DENND1A: variants seen among roughly 807,000 people sequenced by gnomAD.
The protein encoded by DENND1A is DENN domain-containing protein 1A.
A neutral mutation model predicts 113.7 loss-of-function variants in DENND1A; 51 were observed. The observed-to-expected ratio is 0.45, with a 90% CI of 0.36 to 0.57. The LOEUF (loss-of-function observed/expected upper bound fraction) is 0.57, where lower values mean the gene tolerates loss of function less well. Among genes scored for constraint, DENND1A ranks in the 20% least tolerant of loss-of-function variants. DENND1A has a pLI of 0.00. For synonymous variants in DENND1A, 565 were observed against 570.8 expected (o/e 0.99, Z 0.14); for missense variants, 1,258 against 1,395.9 (o/e 0.90, Z 1.57).
intron 1 of DENND1A, among the ~76,000 whole-genome samples, chr9:123,894,899 C>T (rs901611994): frequency 6.6e-6 from 1 of 152,100 alleles, no homozygotes; most frequent in Non-Finnish European, 1.5e-5. Flanking sequence ...GTTCACATTG[C>T]AGAATGAACT....
rs532621160 is a variant in DENND1A at position 123,403,604 on chromosome 9, A to G, written c.1543-114T>C. On this transcript the variant is annotated intron_variant, in intron 20 of 23. Coordinates refer to ENST00000394215, the MANE Select transcript of DENND1A (RefSeq NM_001352964.2). ...CCCAAAAAACGTTTAGGGATTTTCA[A>G]AGCTACAGGCTACAAAAGCCCAGCC... The G allele has an allele frequency of 4.3e-4, 405 of 933,180 alleles. 2 individuals are homozygous for G. Among genetic ancestry groups the G allele is most frequent in the Non-Finnish European group, 5.9e-4 (354 of 600,172 alleles). The allele number at this position is 933,180 out of a possible 1,614,324, so 57.8% of individuals were successfully genotyped here. A position where few individuals can be genotyped will look rare whatever the true frequency, so the allele number is the denominator to read the frequency against.
intron 13 of DENND1A, among the ~76,000 whole-genome samples, chr9:123,489,000 G>A (rs754710830): frequency 1.1e-4 from 16 of 152,140 alleles, no homozygotes; most frequent in Non-Finnish European, 1.9e-4. Context: ...AGGCTTCAAA[G>A]GTAGAGAAGC....
At chr9:123,706,145 C>CTTT (rs368559777) in intron 5 of DENND1A, among the ~76,000 whole-genome samples, 10,155 of 133,004 alleles carry the variant, frequency 0.076, 833 homozygotes, top group African/African-American at 0.2. Context: ...GATATTTTTT[C>CTTT]TTTTTTTTTT....
At position 123,553,292 on chromosome 9, in the gene DENND1A, T is replaced by A. The variant is rs187675618; in HGVS notation, c.993+4278A>T. ...ATACAATAGTAAAATAATTTTTTTT[T>A]AAAGACCAGCACTAGGAAAAGATGG... On this transcript the variant is annotated intron_variant, in intron 13 of 23. Coordinates refer to ENST00000394215, the MANE Select transcript of DENND1A (RefSeq NM_001352964.2). 9.6e-4 allele frequency among the ~76,000 whole-genome samples: 146 copies of A among 152,094 alleles called. 1 individual carries two copies. Among genetic ancestry groups the A allele is most frequent in the African/African-American group, 3.3e-3 (135 of 41,510 alleles).
chr9:123,812,180 T>A (rs1564319688), intron 2 of DENND1A, among the ~76,000 whole-genome samples: 1 of 152,166 alleles, frequency 6.6e-6, no homozygotes, highest in Non-Finnish European at 1.5e-5. Context: ...CATGATAAAA[T>A]AGAGTTGTTT....
intron 2 of DENND1A, among the ~76,000 whole-genome samples, chr9:123,835,957 GGAA>G (rs1840993667): frequency 6.6e-6 from 1 of 152,178 alleles, no homozygotes; most frequent in South Asian, 2.1e-4. Context: ...AATAAAATGA[GGAA>G]GAAGGGCTAT....
At chr9:123,701,969 C>T (rs919337368) in intron 5 of DENND1A, among the ~76,000 whole-genome samples, 1 of 152,156 alleles carries the variant, frequency 6.6e-6, no homozygotes, top group African/African-American at 2.4e-5. Flanking sequence ...GTACTAGTGA[C>T]TGACCATAAA....
intron 1 of DENND1A, among the ~76,000 whole-genome samples, chr9:123,917,356 C>A (rs61695524): frequency 0.019 from 2,874 of 152,174 alleles, 98 homozygotes; most frequent in African/African-American, 0.066. Flanking sequence ...AAAAACATAA[C>A]TATTTTCAGT....
intron 5 of DENND1A, among the ~76,000 whole-genome samples, chr9:123,749,299 G>A (rs529134793): frequency 2.6e-5 from 4 of 152,218 alleles, no homozygotes; most frequent in African/African-American, 9.6e-5. Context: ...ATTCTGCAAG[G>A]GCAAACTACC....
At chr9:123,583,085 C>T in intron 12 of DENND1A, 84 bp downstream of exon 12, 3 of 1,006,472 alleles carry the variant, frequency 3.0e-6, no homozygotes, top group Admixed American at 4.4e-5. Context: ...TCGCTATTTC[C>T]CCTCCTTCCC....
intron 18 of DENND1A, among the ~76,000 whole-genome samples, chr9:123,443,475 C>T (rs7859831): frequency 0.13 from 20,509 of 152,196 alleles, 1,462 homozygotes; most frequent in Non-Finnish European, 0.14. Flanking sequence ...GATGTACCTG[C>T]GTGTCAAAAA....
chr9:123,786,030 T>C (rs955020084), intron 3 of DENND1A, among the ~76,000 whole-genome samples: 2 of 152,048 alleles, frequency 1.3e-5, no homozygotes, highest in African/African-American at 4.8e-5. Flanking sequence ...CTGGTCAACA[T>C]GATGAAACCC....
chr9:123,572,932 T>C (rs28661002), intron 12 of DENND1A, among the ~76,000 whole-genome samples: 42,338 of 151,994 alleles, frequency 0.28, 6,200 homozygotes, highest in African/African-American at 0.34. Context: ...TTTGCTTCTA[T>C]TTTTAGGTCT....
rs2050070163 is a variant in DENND1A, at chr9:123,478,258, C to T, written c.994-20361G>A. On this transcript the variant is annotated intron_variant, in intron 13 of 23. Coordinates refer to ENST00000394215, the MANE Select transcript of DENND1A (RefSeq NM_001352964.2). The stretch of plus-strand genomic sequence containing the variant: ...ATCCCAACCTCCCTTGTTCCAGTCA[C>T]ATTATTAAGTCTTCAAAAGGCTTTT... Among the ~76,000 whole-genome samples, 11 of 152,346 alleles carry T rather than the reference C, an allele frequency of 7.2e-5. No individual in the cohort carries two copies. The South Asian group carries it at 2.3e-3, about 32-fold the overall frequency.
Position 123,671,485 on chromosome 9 carries a change from T to G in DENND1A, c.373-114A>C, listed in dbSNP as rs1459470171. On this transcript the variant is annotated intron_variant, in intron 6 of 23. Coordinates refer to ENST00000394215, the MANE Select transcript of DENND1A (RefSeq NM_001352964.2). ...GGGGCTGGGGAGATGCTGGCCCCAGTACAGAAATAGGTTTGATATTCATGT... is the reference window on the plus strand; with the variant it reads ...GGGGCTGGGGAGATGCTGGCCCCAGGACAGAAATAGGTTTGATATTCATGT... 4.2e-6 allele frequency: 4 copies of G among 956,048 alleles called. No homozygotes were observed. The East Asian group carries it at 9.8e-5, about 23-fold the overall frequency. The allele number at this position is 956,048 out of a possible 1,614,324, so 59.2% of individuals were successfully genotyped here.
At chr9:123,923,859 T>C (rs1482532107) in intron 1 of DENND1A, among the ~76,000 whole-genome samples, 1 of 152,192 alleles carries the variant, frequency 6.6e-6, no homozygotes, top group Non-Finnish European at 1.5e-5. Flanking sequence ...ACAGCTGCTT[T>C]AGGAAACAAT....
intron 11 of DENND1A, among the ~76,000 whole-genome samples, chr9:123,590,643 T>A (rs897423277): frequency 6.6e-6 from 1 of 152,228 alleles, no homozygotes; most frequent in Non-Finnish European, 1.5e-5. Context: ...TTGTGGGTGA[T>A]GAAAATATTC....
At chr9:123,630,609 T>G (rs2061435349) in intron 9 of DENND1A, 133 bp from the exon 10 acceptor site, 4 of 530,866 alleles carry the variant, frequency 7.5e-6, no homozygotes, top group Non-Finnish European at 1.2e-5. Flanking sequence ...GAAATCATTC[T>G]AAGTTAACTC....
chr9:123,807,123 T>A (rs1375736221), intron 2 of DENND1A, among the ~76,000 whole-genome samples: 1 of 152,222 alleles, frequency 6.6e-6, no homozygotes, highest in Non-Finnish European at 1.5e-5. Flanking sequence ...ATAGCAGTTA[T>A]CATTTTTTAA....
Sources: gnomAD v4.1 joint callset for allele counts (sites outside exome capture counted in the v4.1 genomes callset) on GRCh38, gnomAD v4.1.1 for gene constraint, MANE v1.5 for transcripts, NCBI Gene and HGNC (gene_info 2026-07-23, HGNC 2026-07-21) for gene names.